The following RASA2 variants were observed in gnomAD, a reference collection of about 807,000 sequenced individuals.
The protein encoded by RASA2 is RAS p21 protein activator 2.
In RASA2, 155 loss-of-function variants were observed where a neutral mutation model predicts 118.2. The observed-to-expected ratio is 1.31, with a 90% CI of 1.15 to 1.50. The LOEUF (loss-of-function observed/expected upper bound fraction) is 1.50, where lower values mean the gene tolerates loss of function less well. Ranked by LOEUF, RASA2 falls within the 40% of genes most tolerant of loss-of-function variation. The pLI, the probability that RASA2 is intolerant of heterozygous loss-of-function variation, is 0.00. For synonymous variants in RASA2, 353 were observed against 349.1 expected, an observed-to-expected ratio of 1.01 and a Z score of -0.12; for missense variants, 1,016 against 1,009.6, an observed-to-expected ratio of 1.01 and a Z score of -0.09.
chr3:141,603,223 C>A (rs553573063), intron 19 of RASA2, among the ~76,000 whole-genome samples: 27 of 152,226 alleles, frequency 1.8e-4, no homozygotes, highest in Non-Finnish European at 2.9e-4. Flanking sequence ...AGCTGTGTCC[C>A]TTGGGGCCAA....
At chr3:141,574,358 T>G (rs2082975169) in intron 14 of RASA2, among the ~76,000 whole-genome samples, 1 of 151,548 alleles carries the variant, frequency 6.6e-6, no homozygotes, top group Non-Finnish European at 1.5e-5. Flanking sequence ...CCCAGCTAAT[T>G]TTTTATATTT....
chr3:141,507,088 A>G (rs1279370211), intron 1 of RASA2, among the ~76,000 whole-genome samples: 1 of 152,216 alleles, frequency 6.6e-6, no homozygotes, highest in African/African-American at 2.4e-5. Context: ...TCCATTTCCC[A>G]AGTTAAAGGA....
chr3:141,560,400 C>G (rs2082714056), intron 9 of RASA2, among the ~76,000 whole-genome samples: 1 of 152,164 alleles, frequency 6.6e-6, no homozygotes, highest in Non-Finnish European at 1.5e-5. Context: ...ATTTAGGGGA[C>G]TCAGTTGTTT....
chr3:141,604,134 TTTAA>T (rs938047831), intron 19 of RASA2, among the ~76,000 whole-genome samples: 42 of 152,312 alleles, frequency 2.8e-4, no homozygotes, highest in African/African-American at 9.6e-4. Context: ...GGTATTTCTG[TTTAA>T]TTAGGAGGTA....
At chr3:141,538,100 AACACAC>A (rs60054807) in intron 4 of RASA2, among the ~76,000 whole-genome samples, 24 of 136,556 alleles carry the variant, frequency 1.8e-4, no homozygotes, top group Non-Finnish European at 3.7e-4. Flanking sequence ...CAAAAAACAA[AACACAC>A]ACACACACAC....
intron 5 of RASA2, among the ~76,000 whole-genome samples, chr3:141,542,798 T>G (rs1437304105): frequency 6.6e-6 from 1 of 152,196 alleles, no homozygotes; most frequent in Non-Finnish European, 1.5e-5. Context: ...TCCTCTCTTC[T>G]AACCCTTGGC....
At chr3:141,535,501 A>G (rs1242519113) in intron 4 of RASA2, among the ~76,000 whole-genome samples, 3 of 152,210 alleles carry the variant, frequency 2.0e-5, no homozygotes, top group Non-Finnish European at 4.4e-5. Context: ...AAATACCTCT[A>G]TATTAGTCCA....
At chr3:141,496,812 T>G (rs1264837746) in intron 1 of RASA2, among the ~76,000 whole-genome samples, 2 of 152,198 alleles carry the variant, frequency 1.3e-5, no homozygotes, top group Admixed American at 1.3e-4. Context: ...ATCCCATTAC[T>G]GGGTGTATAC....
intron 19 of RASA2, among the ~76,000 whole-genome samples, chr3:141,591,497 TA>T (rs2083284598): frequency 6.6e-6 from 1 of 152,192 alleles, no homozygotes; most frequent in South Asian, 2.1e-4. Context: ...GTAAGGACCA[TA>T]TTATTACTAG....
chr3:141,512,280 G>A lies in RASA2; in HGVS notation c.251G>A (p.Ser84Asn). The change falls in exon 2 of 24, where the codon AGC becomes AAC. Residue 84 changes from serine (S) to asparagine (N), a missense_variant and splice_region_variant. Transcript: ENST00000286364. ...ACCCAAGTTGTGGAAAAATCTTTAA[G>A]GTTGGTAGAAAAAATTGGTAAATTA... ...YRTQVVEKSL[S>N]PFFSEEFYFE... is the part of the protein sequence containing the mutation. 6.4e-7 allele frequency: 1 copy of A among 1,557,180 alleles called. No homozygotes were observed. The highest frequency in any genetic ancestry group is 8.7e-7 in the Non-Finnish European group (1 of 1,149,160).
At chr3:141,506,593 C>T (rs2081870249) in intron 1 of RASA2, among the ~76,000 whole-genome samples, 3 of 152,092 alleles carry the variant, frequency 2.0e-5, no homozygotes. Context: ...AAATGGTGCA[C>T]ACGATTTGAA....
chr3:141,535,186 A>C (rs2082310268), intron 4 of RASA2, among the ~76,000 whole-genome samples: 1 of 152,218 alleles, frequency 6.6e-6, no homozygotes, highest in South Asian at 2.1e-4. Flanking sequence ...TTAAATTAAA[A>C]TATGTATATT....
intron 17 of RASA2, among the ~76,000 whole-genome samples, chr3:141,583,339 C>G (rs1230627957): frequency 6.6e-6 from 1 of 152,022 alleles, no homozygotes; most frequent in Admixed American, 6.6e-5. Flanking sequence ...GCGAGAGAAT[C>G]GCTTGAACCC....
rs1285276745 is a variant in RASA2 at position 141,614,541 on chromosome 3, TACA to T, written c.*2230_*2232del. On this transcript the variant is annotated 3_prime_UTR_variant, in exon 24 of 24. Transcript: ENST00000286364. Reference sequence around the variant, plus strand: ...TCTACCTTTTCCACATTTGAAAATATACAAGGCAGCTCACTTCATCCTAAAAAC... The same window carrying T: ...TCTACCTTTTCCACATTTGAAAATATAGGCAGCTCACTTCATCCTAAAAAC... 6.6e-6 allele frequency: 1 copy of T among 152,204 alleles called. No individual in the cohort carries two copies. Among genetic ancestry groups the T allele is most frequent in the East Asian group, 1.9e-4 (1 of 5,200 alleles). 9.4% of individuals were successfully genotyped at this position (152,204 alleles called of 1,614,324 possible). A position where few individuals can be genotyped will look rare whatever the true frequency, so the allele number is the denominator to read the frequency against.
intron 19 of RASA2, among the ~76,000 whole-genome samples, chr3:141,588,772 T>TA (rs1200140442): frequency 6.6e-6 from 1 of 152,162 alleles, no homozygotes; most frequent in Non-Finnish European, 1.5e-5. Flanking sequence ...GATAATTTGT[T>TA]ACAACATTTA....
intron 7 of RASA2, among the ~76,000 whole-genome samples, chr3:141,557,914 T>C (rs1301820539): frequency 6.6e-6 from 1 of 152,166 alleles, no homozygotes; most frequent in Non-Finnish European, 1.5e-5. Context: ...GTGGCTTAGT[T>C]TGGAGCATAA....
intron 19 of RASA2, 158 bp downstream of exon 19, chr3:141,586,910 C>T (rs1324630366): frequency 1.4e-6 from 1 of 702,952 alleles, no homozygotes; most frequent in East Asian, 2.8e-5. Flanking sequence ...AAATATTTGA[C>T]AGTAACCCCA....
At position 141,589,936 on chromosome 3, in the gene RASA2, C is replaced by G. The variant is rs1215132520; in HGVS notation, c.1933+3184C>G. On this transcript the variant is annotated intron_variant, in intron 19 of 23. Coordinates refer to ENST00000286364, the MANE Select transcript of RASA2 (RefSeq NM_006506.5). ...TGATGAGGCTACTAGAGGTATAAAA[C>G]AGACGCATTAGAAGCTATGTTGTTG... is the stretch of plus-strand genomic sequence containing the variant. 2.6e-5 allele frequency among the ~76,000 whole-genome samples: 4 copies of G among 151,926 alleles called. No individual in the cohort carries two copies. In the South Asian group the frequency reaches 8.3e-4, roughly 31 times the overall value.
rs201725700 is a variant in RASA2 at position 141,543,868 on chromosome 3, TC to T, written c.527+3260del. 1.0e-3 allele frequency among the ~76,000 whole-genome samples: 125 copies of T among 123,798 alleles called. 1 individual carries two copies. The highest frequency in any genetic ancestry group is 4.2e-3 in the African/African-American group (121 of 28,730). The allele number at this position is 123,798 out of a possible 152,430, so 81.2% of individuals were successfully genotyped here. On this transcript the variant is annotated intron_variant, in intron 5 of 23. Transcript: ENST00000286364. ...TTCTTTTCTTTTTTCTTTCTTTCTTTCTTTTTTCTTTTTTTTTTTTTTTTTG... is the reference window on the plus strand; with the variant it reads ...TTCTTTTCTTTTTTCTTTCTTTCTTTTTTTTTCTTTTTTTTTTTTTTTTTG...
Sources: gnomAD v4.1 joint callset for allele counts (sites outside exome capture counted in the v4.1 genomes callset) on GRCh38, gnomAD v4.1.1 for gene constraint, MANE v1.5 for transcripts, NCBI Gene and HGNC (gene_info 2026-07-23, HGNC 2026-07-21) for gene names.